Variants in M1AP observed in about 807,000 individuals in gnomAD.
M1AP encodes the protein meiosis 1 associated protein, also known as meiosis 1 arrest protein.
In M1AP, 39 loss-of-function variants were observed where a neutral mutation model predicts 51.2. The ratio of observed to expected loss-of-function variants is 0.76; its 90% CI spans 0.59 to 1.00. M1AP has a LOEUF of 1.00. M1AP is among the 50% of genes least tolerant of loss of function. The probability of loss-of-function intolerance (pLI) is 0.00; values close to 1 mark genes in which losing one functional copy is unlikely to be tolerated. For synonymous variants in M1AP, 251 were observed against 249.2 expected (o/e 1.01, Z -0.07); for missense variants, 545 against 641.2 (o/e 0.85, Z 1.62).
At chr2:74,642,205 T>C (rs1261060329) in intron 1 of M1AP, among the ~76,000 whole-genome samples, 1 of 152,044 alleles carries the variant, frequency 6.6e-6, no homozygotes, top group Non-Finnish European at 1.5e-5. Context: ...AAAAAAATTA[T>C]AGGATAATCT....
chr2:74,604,616 A>C (rs918852668), intron 4 of M1AP, among the ~76,000 whole-genome samples: 2 of 152,102 alleles, frequency 1.3e-5, no homozygotes, highest in African/African-American at 2.4e-5. Flanking sequence ...CTGTGTGATC[A>C]CCAGTTCCTA....
chr2:74,606,975 T>C, intron 4 of M1AP, 80 bp downstream of exon 4: 3 of 1,211,154 alleles, frequency 2.5e-6, no homozygotes, highest in East Asian at 2.4e-5. Context: ...ACATGTGCCA[T>C]GTTGGTGTGC....
intron 7 of M1AP, 70 bp from the exon 8 acceptor site, chr2:74,562,493 T>A: frequency 6.4e-7 from 1 of 1,562,270 alleles, no homozygotes; most frequent in Admixed American, 1.8e-5. Context: ...TCAGTCCCAA[T>A]TGAAGTTTCC....
intron 7 of M1AP, 69 bp downstream of exon 7, chr2:74,575,366 AGTT>A (rs1173374254): frequency 6.3e-7 from 1 of 1,598,436 alleles, no homozygotes; most frequent in African/African-American, 1.3e-5. Context: ...GGGCAGAGTT[AGTT>A]AGCTGCTTTT....
intron 4 of M1AP, among the ~76,000 whole-genome samples, chr2:74,584,823 TA>T (rs1419216390): frequency 3.1e-4 from 46 of 147,922 alleles, no homozygotes; most frequent in African/African-American, 1.0e-3. Flanking sequence ...TATATATATA[TA>T]TATATTTTAT....
intron 4 of M1AP, among the ~76,000 whole-genome samples, chr2:74,585,520 G>A (rs1255013022): frequency 6.6e-6 from 1 of 152,196 alleles, no homozygotes; most frequent in Non-Finnish European, 1.5e-5. Context: ...CAGCCAGCCA[G>A]GCAGCAGTCT....
rs1040247235 is a variant in M1AP, at chr2:74,581,707, A to C, written c.736T>G (p.Phe246Val). 10 of 1,613,952 alleles carry C rather than the reference A, an allele frequency of 6.2e-6. No individual in the cohort carries two copies. The African/African-American group carries it at 1.2e-4, about 19-fold the overall frequency. ...QIHLLLSSQC[F>V]SNISRPRDNP... ...TCTCTGGGTCTGGAAATGTTGCTGA[A>C]ACACTGTGAAGAAAGAAGAAGATGG... Residue 246 changes from phenylalanine to valine, a missense_variant, in exon 5 of 11, where the codon TTC (phenylalanine) becomes GTC (valine). By Grantham distance (50) the Phe-to-Val change is conservative (BLOSUM62 -1). Transcript: ENST00000421985.
chr2:74,563,606 T>TAAAAAAAAAAA (rs750014043), intron 7 of M1AP, among the ~76,000 whole-genome samples: 2 of 54,652 alleles, frequency 3.7e-5, no homozygotes, highest in South Asian at 7.6e-4. Flanking sequence ...TCTCAAAACA[T>TAAAAAAAAAAA]AAAAAAAAAA....
intron 2 of M1AP, among the ~76,000 whole-genome samples, chr2:74,618,659 C>T (rs1681817324): frequency 6.6e-6 from 1 of 152,176 alleles, no homozygotes; most frequent in Non-Finnish European, 1.5e-5. Flanking sequence ...GGATTGATGT[C>T]ATGTTGCAAA....
chr2:74,620,914 C>A, intron 2 of M1AP: 1 of 179,012 alleles, frequency 5.6e-6, no homozygotes, highest in South Asian at 1.3e-4. Context: ...ACATGCTGTC[C>A]AAACAGCTTC....
intron 1 of M1AP, chr2:74,647,153 A>G (rs1210302204): frequency 5.4e-6 from 5 of 927,066 alleles, no homozygotes; most frequent in Non-Finnish European, 6.4e-6. Context: ...AGGACTTCCA[A>G]TTACACCACT....
At chr2:74,631,524 C>T (rs1682705283) in intron 2 of M1AP, among the ~76,000 whole-genome samples, 1 of 152,032 alleles carries the variant, frequency 6.6e-6, no homozygotes. Context: ...TTACTTGTCA[C>T]CTTGAAGTGA....
At position 74,581,688 on chromosome 2, in the gene M1AP, G is replaced by A; in HGVS notation, c.755C>T (p.Pro252Leu). The change falls in exon 5 of 11, where the codon CCC becomes CTC. Residue 252 changes from proline (P) to leucine (L), a missense_variant. Pro to Leu is a moderately conservative substitution (Grantham distance 98). Coordinates refer to ENST00000421985, the MANE Select transcript of M1AP (RefSeq NM_001321739.2). ...GGATTATGTACTTGGATTATCTCTG[G>A]GTCTGGAAATGTTGCTGAAACACTG... The part of the protein sequence containing the change: ...SSQCFSNISR[P>L]RDNPMCLKCD... 1 of 1,613,576 alleles carries A rather than the reference G, an allele frequency of 6.2e-7. No individual in the cohort carries two copies. Among genetic ancestry groups the A allele is most frequent in the Non-Finnish European group, 8.5e-7 (1 of 1,179,666 alleles).
chr2:74,636,231 C>T (rs1682985442), intron 2 of M1AP, among the ~76,000 whole-genome samples: 1 of 151,938 alleles, frequency 6.6e-6, no homozygotes, highest in African/African-American at 2.4e-5. Context: ...ACCTGGTATT[C>T]TTTGATCCGA....
intron 2 of M1AP, among the ~76,000 whole-genome samples, chr2:74,632,495 C>A (rs1321487163): frequency 6.6e-6 from 1 of 152,126 alleles, no homozygotes; most frequent in Non-Finnish European, 1.5e-5. Flanking sequence ...CTACTCAGTA[C>A]TTTTCCACTC....
chr2:74,622,141 A>T (rs1273513024), intron 2 of M1AP, among the ~76,000 whole-genome samples: 2 of 152,080 alleles, frequency 1.3e-5, no homozygotes, highest in Non-Finnish European at 1.5e-5. Flanking sequence ...AAAAGACAAT[A>T]TAAAAAATTC....
Position 74,576,589 on chromosome 2 carries a change from G to T in M1AP, c.799C>A (p.Leu267Met). The T allele has an allele frequency of 6.2e-7, 1 of 1,614,142 alleles. No individual in the cohort carries two copies. Among genetic ancestry groups the T allele is most frequent in the East Asian group, 2.2e-5 (1 of 44,886 alleles). ...MCLKCDLQER[L>M]LCPSLLAGTA... is the part of the protein sequence containing the mutation. ...CCAGCGAGTAGGGATGGGCAGAGCA[G>T]TCGCTCTTGGAGATCACATTTCAGA... Residue 267 changes from leucine to methionine, a missense_variant, in exon 6 of 11, where the codon CTG (leucine) becomes ATG (methionine). Coordinates refer to ENST00000421985, the MANE Select transcript of M1AP (RefSeq NM_001321739.2).
intron 4 of M1AP, among the ~76,000 whole-genome samples, chr2:74,605,438 G>T (rs1680914132): frequency 6.6e-6 from 1 of 152,132 alleles, no homozygotes; most frequent in South Asian, 2.1e-4. Context: ...GTCATTGTAT[G>T]TATGTGTGTG....
intron 10 of M1AP, among the ~76,000 whole-genome samples, chr2:74,559,128 A>G (rs1319127934): frequency 1.3e-5 from 2 of 152,140 alleles, no homozygotes; most frequent in East Asian, 3.9e-4. Flanking sequence ...TCTGGTTTGG[A>G]AACGTCCTTC....
Sources: allele counts gnomAD v4.1 joint callset (sites outside exome capture counted in the v4.1 genomes callset), GRCh38; gene constraint gnomAD v4.1.1; transcripts MANE v1.5; gene names NCBI Gene and HGNC (gene_info 2026-07-23, HGNC 2026-07-21).